Variants in ELL observed in about 807,000 individuals in gnomAD.
ELL encodes elongation factor for RNA polymerase II.
Under a neutral mutation model 64.0 loss-of-function variants are expected in ELL, and 18 were observed. The ratio of observed to expected loss-of-function variants is 0.28; its 90% CI spans 0.19 to 0.42. The LOEUF (loss-of-function observed/expected upper bound fraction) is 0.42. Ranked by LOEUF, ELL falls within the 10% of genes least tolerant of loss-of-function variation. ELL has a pLI of 1.00. For missense variants in ELL, 797 were observed against 870.4 expected (o/e 0.92, Z 1.06); for synonymous variants, 399 against 376.2 (o/e 1.06, Z -0.70).
intron 1 of ELL, among the ~76,000 whole-genome samples, chr19:18,497,814 T>TC (rs1975692005): frequency 2.0e-5 from 1 of 49,124 alleles, no homozygotes; most frequent in Non-Finnish European, 3.4e-5. Context: ...AGATCTCATC[T>TC]CAAAAAAAAA....
At chr19:18,496,783 C>T (rs1304993035) in intron 1 of ELL, among the ~76,000 whole-genome samples, 1 of 152,188 alleles carries the variant, frequency 6.6e-6, no homozygotes, top group East Asian at 1.9e-4. Flanking sequence ...CCAAGTCTTC[C>T]ACTATGGGCA....
intron 1 of ELL, among the ~76,000 whole-genome samples, chr19:18,491,960 T>A (rs375001356): frequency 1.3e-5 from 2 of 152,152 alleles, no homozygotes; most frequent in Non-Finnish European, 2.9e-5. Flanking sequence ...AATATACATA[T>A]ACACACACTC....
intron 5 of ELL, among the ~76,000 whole-genome samples, chr19:18,460,652 G>C (rs1173394866): frequency 2.0e-5 from 3 of 152,224 alleles, no homozygotes; most frequent in African/African-American, 7.2e-5. Flanking sequence ...CCTATGAGGA[G>C]CTCCGTAAAC....
chr19:18,467,713 C>T (rs956736294), intron 2 of ELL, among the ~76,000 whole-genome samples: 1 of 131,844 alleles, frequency 7.6e-6, no homozygotes, highest in Admixed American at 7.9e-5. Flanking sequence ...ACACACAATC[C>T]CCCACAACCA....
At chr19:18,497,522 G>A (rs935451600) in intron 1 of ELL, among the ~76,000 whole-genome samples, 3 of 152,158 alleles carry the variant, frequency 2.0e-5, no homozygotes, top group African/African-American at 7.2e-5. Context: ...CAGGGCTCCA[G>A]ATGATAAAGA....
rs533654838 is a variant in ELL, at chr19:18,451,671, G to A, written c.870-23C>T. On this transcript the variant is annotated intron_variant, in intron 6 of 11. Coordinates refer to ENST00000262809, the MANE Select transcript of ELL (RefSeq NM_006532.4). ...TTCCTGCGAAGGAGAGGCAGGGCTA[G>A]GTCAGAAGGTGCTGAGGGGGCCTAG... 117 of 1,479,706 alleles carry A rather than the reference G, an allele frequency of 7.9e-5. 1 individual carries two copies. In the South Asian group the frequency reaches 1.5e-3, roughly 19 times the overall value. 91.7% of individuals were successfully genotyped at this position (1,479,706 alleles called of 1,614,324 possible).
chr19:18,466,925 G>T (rs1361467080), intron 2 of ELL, among the ~76,000 whole-genome samples: 1 of 152,158 alleles, frequency 6.6e-6, no homozygotes, highest in East Asian at 1.9e-4. Context: ...TGAATCTCCT[G>T]CCCCCTCGCC....
intron 1 of ELL, 46 bp from the exon 2 acceptor site, chr19:18,472,928 A>G (rs1975096377): frequency 6.5e-7 from 1 of 1,537,398 alleles, no homozygotes; most frequent in Non-Finnish European, 8.7e-7. Flanking sequence ...GAACATCAAT[A>G]AAGACATTGG....
In ELL at chr19:18,444,853, T is replaced by C; in HGVS notation, c.1765A>G (p.Ser589Gly). ...TACTCGCAGCGGTGCTTCTCCTGGC[T>C]GTAGTTGGTGTTGGTCTGTGGGACA... Reference protein sequence around the residue: ...RKIKKTNTNYSQEKHRCEYLH... With the variant: ...RKIKKTNTNYGQEKHRCEYLH... Residue 589 changes from serine to glycine, a missense_variant, in exon 12 of 12, where the codon AGC (serine) becomes GGC (glycine). By Grantham distance (56) the Ser-to-Gly change is moderately conservative. Coordinates refer to ENST00000262809, the MANE Select transcript of ELL (RefSeq NM_006532.4). 1 of 1,611,812 alleles carries C rather than the reference T, an allele frequency of 6.2e-7. No homozygotes were observed. The highest frequency in any genetic ancestry group is 8.5e-7 in the Non-Finnish European group (1 of 1,179,862).
Position 18,450,517 on chromosome 19 carries a change from A to C in ELL, c.1425T>G (p.Pro475=), listed in dbSNP as rs756269352. 3 of 1,613,192 alleles carry C rather than the reference A, an allele frequency of 1.9e-6. No individual in the cohort carries two copies. The South Asian group carries it at 3.3e-5, about 18-fold the overall frequency. The part of the protein sequence containing the change: ...KPRAQLPDCA[P]ATHATPGAPA... ...GGGCTCCGGGGGTGGCATGGGTGGC[A>C]GGTGCACAGTCTGGAAGCTGGGCCC... The change falls in exon 8 of 12, where the codon CCT becomes CCG. Residue 475 remains proline, a synonymous_variant. Coordinates refer to ENST00000262809, the MANE Select transcript of ELL (RefSeq NM_006532.4).
At position 18,444,887 on chromosome 19, in the gene ELL, A is replaced by C; in HGVS notation, c.1750-19T>G. On this transcript the variant is annotated intron_variant, in intron 11 of 11. Coordinates refer to ENST00000262809, the MANE Select transcript of ELL (RefSeq NM_006532.4). ...TGTTGGTCTGTGGGACAGCACAGTC[A>C]TGCTCAGGACAGAGCCGCCCTGGGT... is the stretch of plus-strand genomic sequence containing the variant. 6.2e-7 allele frequency: 1 copy of C among 1,607,054 alleles called. No homozygotes were observed. Among genetic ancestry groups the C allele is most frequent in the Non-Finnish European group, 8.5e-7 (1 of 1,177,690 alleles).
At chr19:18,464,996 G>A (rs1241900494) in intron 4 of ELL, among the ~76,000 whole-genome samples, 4 of 152,224 alleles carry the variant, frequency 2.6e-5, no homozygotes, top group Non-Finnish European at 4.4e-5. Flanking sequence ...AGGTGAGGGT[G>A]GGGGCAGCCT....
chr19:18,474,782 C>T (rs959257646), intron 1 of ELL, among the ~76,000 whole-genome samples: 11 of 152,240 alleles, frequency 7.2e-5, no homozygotes, highest in Non-Finnish European at 1.5e-4. Flanking sequence ...CAGGGGACCT[C>T]GGCCTGGCTG....
chr19:18,490,587 TTCA>T (rs933365408), intron 1 of ELL, among the ~76,000 whole-genome samples: 2 of 152,208 alleles, frequency 1.3e-5, no homozygotes, highest in Admixed American at 1.3e-4. Context: ...CCTCACTTTC[TTCA>T]TCAGAGTGTG....
In ELL at chr19:18,444,528, T is replaced by C. The variant is rs1285751079; in HGVS notation, c.*224A>G. 1 of 483,302 alleles carries C rather than the reference T, an allele frequency of 2.1e-6. No homozygotes were observed. Among genetic ancestry groups the C allele is most frequent in the South Asian group, 3.1e-5 (1 of 32,006 alleles). 29.9% of individuals were successfully genotyped at this position (483,302 alleles called of 1,614,324 possible). On this transcript the variant is annotated 3_prime_UTR_variant, in exon 12 of 12. Transcript: ENST00000262809. Reference sequence around the variant, plus strand: ...GCAGCCAGGGAGGAGGCAGTGGGCTTCCTGGGGAGCCCATCATAAGCAGGG... The same window carrying C: ...GCAGCCAGGGAGGAGGCAGTGGGCTCCCTGGGGAGCCCATCATAAGCAGGG...
At chr19:18,458,743 C>T (rs1974737945) in intron 5 of ELL, among the ~76,000 whole-genome samples, 1 of 152,020 alleles carries the variant, frequency 6.6e-6, no homozygotes, top group South Asian at 2.1e-4. Flanking sequence ...AGCGACCCTC[C>T]CACGTCAGCC....
Position 18,444,699 on chromosome 19 carries a change from C to T in ELL, c.*53G>A. The T allele has an allele frequency of 2.7e-6, 4 of 1,507,472 alleles. No homozygotes were observed. Among genetic ancestry groups the T allele is most frequent in the African/African-American group, 1.4e-5 (1 of 72,068 alleles). 93.4% of individuals were successfully genotyped at this position (1,507,472 alleles called of 1,614,324 possible). On this transcript the variant is annotated 3_prime_UTR_variant, in exon 12 of 12. Coordinates refer to ENST00000262809, the MANE Select transcript of ELL (RefSeq NM_006532.4). ...TTATTTTTTTAAATAAATCCTCTCT[C>T]ACCGCCTTTTGCTCCCCCGACCCTC...
intron 6 of ELL, among the ~76,000 whole-genome samples, chr19:18,452,923 G>C (rs1362441548): frequency 6.6e-6 from 1 of 152,172 alleles, no homozygotes; most frequent in Non-Finnish European, 1.5e-5. Flanking sequence ...CAAAACAGAG[G>C]AACACGAAAA....
intron 1 of ELL, among the ~76,000 whole-genome samples, chr19:18,489,191 A>G (rs1277938808): frequency 6.6e-6 from 1 of 152,222 alleles, no homozygotes; most frequent in Non-Finnish European, 1.5e-5. Context: ...AAAGCAGGAG[A>G]CAGCAGGAGC....
Sources: allele counts gnomAD v4.1 joint callset (sites outside exome capture counted in the v4.1 genomes callset), GRCh38; gene constraint gnomAD v4.1.1; transcripts MANE v1.5; gene names NCBI Gene and HGNC (gene_info 2026-07-23, HGNC 2026-07-21).